Variants in PRIM2 observed in about 807,000 individuals in gnomAD.
PRIM2 encodes the protein DNA primase large subunit.
PRIM2 carries 39 observed loss-of-function variants against 67.3 expected under a neutral mutation model. The observed-to-expected ratio is 0.58, with a 90% CI of 0.45 to 0.76. PRIM2 has a LOEUF of 0.76. Among genes scored for constraint, PRIM2 ranks in the 30% least tolerant of loss-of-function variants. PRIM2 has a pLI of 0.00. For synonymous variants in PRIM2, 143 were observed against 198.7 expected, an observed-to-expected ratio of 0.72 and a Z score of 2.36; for missense variants, 398 against 598.7, an observed-to-expected ratio of 0.66 and a Z score of 3.50.
Position 57,382,047 on chromosome 6 carries a change from C to G in PRIM2, c.572C>G (p.Ala191Gly). 6.2e-7 allele frequency: 1 copy of G among 1,610,850 alleles called. No individual in the cohort carries two copies. The change falls in exon 7 of 14, where the codon GCT (alanine) becomes GGT (glycine). Residue 191 changes from alanine (A) to glycine (G), a missense_variant. Transcript: ENST00000615550. Reference sequence around the variant, plus strand: ...TTAATTCAGATCCCTTTTGCTGATGCTCTGGATTTGTTTCGAGGAAGGAAA... The same window carrying G: ...TTAATTCAGATCCCTTTTGCTGATGGTCTGGATTTGTTTCGAGGAAGGAAA... ...ESIYKIPFAD[A>G]LDLFRGRKVY...
intron 7 of PRIM2, among the ~76,000 whole-genome samples, chr6:57,410,623 T>C (rs1771057054): frequency 6.6e-6 from 1 of 151,966 alleles, no homozygotes; most frequent in South Asian, 2.1e-4. Context: ...TTATTAATTT[T>C]AGTAGCCTCT....
the PRIM2 span, among the ~76,000 whole-genome samples, chr6:57,289,381 TC>T: frequency 1.3e-5 from 2 of 152,240 alleles, no homozygotes; most frequent in African/African-American, 4.8e-5. Flanking sequence ...AAAACATTCT[TC>T]AGGATATCAT....
intron 10 of PRIM2, 71 bp from the exon 11 acceptor site, chr6:57,601,022 G>A: frequency 1.4e-6 from 2 of 1,391,436 alleles, no homozygotes; most frequent in African/African-American, 2.9e-5. Flanking sequence ...TTTGATTCTA[G>A]CTTGTGTTGC....
chr6:57,328,469 T>C (rs984401329), intron 5 of PRIM2, among the ~76,000 whole-genome samples: 4 of 152,234 alleles, frequency 2.6e-5, no homozygotes, highest in African/African-American at 7.2e-5. Flanking sequence ...GTGGTTGACT[T>C]CTTTTACTTA....
intron 10 of PRIM2, among the ~76,000 whole-genome samples, chr6:57,539,136 G>C (rs1775080681): frequency 6.6e-6 from 1 of 151,974 alleles, no homozygotes; most frequent in Non-Finnish European, 1.5e-5. Flanking sequence ...TCACTTAATA[G>C]GATTTTCTTT....
intron 9 of PRIM2, among the ~76,000 whole-genome samples, chr6:57,535,359 C>T (rs1382679337): frequency 1.3e-5 from 2 of 152,152 alleles, no homozygotes; most frequent in Non-Finnish European, 2.9e-5. Flanking sequence ...TGGGCTTTCC[C>T]AGGCTCCCTG....
At chr6:57,541,063 C>G (rs1237823879) in intron 10 of PRIM2, among the ~76,000 whole-genome samples, 1 of 152,126 alleles carries the variant, frequency 6.6e-6, no homozygotes, top group Non-Finnish European at 1.5e-5. Context: ...AATGCTTCCC[C>G]AAACCAGAGA....
chr6:57,549,215 C>T (rs1283738213), intron 10 of PRIM2, among the ~76,000 whole-genome samples: 1 of 152,186 alleles, frequency 6.6e-6, no homozygotes, highest in African/African-American at 2.4e-5. Context: ...TAGGGGTTAG[C>T]AAAGCAGGCA....
At chr6:57,640,857 G>A (rs1355400103) in intron 13 of PRIM2, among the ~76,000 whole-genome samples, 53,574 of 151,646 alleles carry the variant, frequency 0.35, 9,623 homozygotes, top group East Asian at 0.47. Flanking sequence ...TTGACTTTCT[G>A]CGCAGAATTA....
intron 10 of PRIM2, among the ~76,000 whole-genome samples, chr6:57,544,828 TAAATGTTTATTGAATA>T (rs1168256073): frequency 6.6e-6 from 1 of 152,188 alleles, no homozygotes; most frequent in African/African-American, 2.4e-5. Flanking sequence ...AGGCACTCAA[TAAATGTTTATTGAATA>T]AACTAATACA....
At chr6:57,224,322 CATT>C in the PRIM2 span, among the ~76,000 whole-genome samples, 1 of 152,116 alleles carries the variant, frequency 6.6e-6, no homozygotes, top group East Asian at 1.9e-4. Flanking sequence ...AGCTTGAAGA[CATT>C]ATGCCTAGTC....
chr6:57,344,390 G>A (rs1411434353), intron 5 of PRIM2, among the ~76,000 whole-genome samples: 1 of 151,756 alleles, frequency 6.6e-6, no homozygotes, highest in Non-Finnish European at 1.5e-5. Context: ...TATGAAATGA[G>A]CTTTTCTATT....
chr6:57,308,784 T>A, the PRIM2 span, among the ~76,000 whole-genome samples: 3 of 152,218 alleles, frequency 2.0e-5, no homozygotes, highest in African/African-American at 7.2e-5. Flanking sequence ...TATTTACATA[T>A]GTTTATTTAT....
upstream of PRIM2, among the ~76,000 whole-genome samples, chr6:57,312,746 T>A (rs1357244036): frequency 1.3e-5 from 2 of 152,248 alleles, no homozygotes; most frequent in Non-Finnish European, 2.9e-5. Flanking sequence ...TTTTTCTTAA[T>A]GTCTTGTTAA....
intron 12 of PRIM2, among the ~76,000 whole-genome samples, chr6:57,623,899 T>A (rs1776900983): frequency 6.6e-6 from 1 of 152,196 alleles, no homozygotes; most frequent in Non-Finnish European, 1.5e-5. Flanking sequence ...AGTGACAGAT[T>A]TTAACATTAG....
chr6:57,524,729 T>C (rs1774710208), intron 8 of PRIM2, among the ~76,000 whole-genome samples: 1 of 151,972 alleles, frequency 6.6e-6, no homozygotes, highest in Non-Finnish European at 1.5e-5. Context: ...GATGCTTTTA[T>C]ATATTTTGTG....
chr6:57,452,490 A>G (rs1772590251), intron 7 of PRIM2, among the ~76,000 whole-genome samples: 1 of 152,166 alleles, frequency 6.6e-6, no homozygotes, highest in South Asian at 2.1e-4. Context: ...CTGGTGTGAG[A>G]TGGTATCTGA....
At chr6:57,253,061 G>A in the PRIM2 span, among the ~76,000 whole-genome samples, 1 of 152,180 alleles carries the variant, frequency 6.6e-6, no homozygotes, top group Non-Finnish European at 1.5e-5. Flanking sequence ...AGTGCAGAGA[G>A]CCAAGAACAA....
At chr6:57,587,489 C>A (rs1274593490) in intron 10 of PRIM2, among the ~76,000 whole-genome samples, 1 of 151,512 alleles carries the variant, frequency 6.6e-6, no homozygotes, top group Non-Finnish European at 1.5e-5. Context: ...ATGGTGAAAC[C>A]CCATCTCTAC....
Sources: allele counts gnomAD v4.1 joint callset (sites outside exome capture counted in the v4.1 genomes callset), GRCh38; gene constraint gnomAD v4.1.1; transcripts MANE v1.5; gene names NCBI Gene and HGNC (gene_info 2026-07-23, HGNC 2026-07-21).